ZNF146: variants seen among roughly 807,000 people sequenced by gnomAD.
ZNF146 encodes the protein zinc finger protein 146, also known as zinc finger protein OZF.
In ZNF146, 9 loss-of-function variants were observed where a neutral mutation model predicts 22.2. The ratio of observed to expected loss-of-function variants is 0.41; its 90% CI spans 0.24 to 0.71. ZNF146 has a LOEUF of 0.71. Among genes scored for constraint, ZNF146 ranks in the 30% least tolerant of loss-of-function variants. ZNF146 has a pLI of 0.34. For synonymous variants in ZNF146, 108 were observed against 119.2 expected (o/e 0.91, Z 0.61); for missense variants, 194 against 344.8 (o/e 0.56, Z 3.46).
Position 36,238,720 on chromosome 19 carries a change from T to C in ZNF146, c.*1401T>C, listed in dbSNP as rs547245191. The C allele has an allele frequency of 5.1e-4, 86 of 167,228 alleles. No homozygotes were observed. The highest frequency in any genetic ancestry group is 2.0e-3 in the African/African-American group (83 of 41,588). 10.4% of individuals were successfully genotyped at this position (167,228 alleles called of 1,614,324 possible). On this transcript the variant is annotated 3_prime_UTR_variant, in exon 4 of 4. Transcript: ENST00000443387. ...GATGAATGGATGGACTTGCTCTCTA[T>C]GTAATATGAAATTAATCTATTTTAT...
intron 3 of ZNF146, among the ~76,000 whole-genome samples, chr19:36,234,695 C>T (rs1037670848): frequency 6.6e-6 from 1 of 152,178 alleles, no homozygotes; most frequent in Non-Finnish European, 1.5e-5. Context: ...CTGCGCCCGG[C>T]CAGCCAGCAT....
chr19:36,231,081 G>A (rs1447381159), intron 3 of ZNF146, among the ~76,000 whole-genome samples: 1 of 152,102 alleles, frequency 6.6e-6, no homozygotes, highest in Non-Finnish European at 1.5e-5. Flanking sequence ...CCTCAAGAAG[G>A]ATATACGTGA....
intron 3 of ZNF146, among the ~76,000 whole-genome samples, chr19:36,233,388 G>A (rs1167310724): frequency 1.3e-5 from 2 of 152,138 alleles, no homozygotes; most frequent in South Asian, 2.1e-4. Context: ...AGCTGTGGGC[G>A]TTTCTCGTCA....
intron 2 of ZNF146, among the ~76,000 whole-genome samples, chr19:36,224,583 T>C (rs1416525122): frequency 1.3e-5 from 2 of 152,236 alleles, no homozygotes; most frequent in African/African-American, 4.8e-5. Flanking sequence ...CTTTGTGGTA[T>C]AGCTAGTCTC....
intron 1 of ZNF146, among the ~76,000 whole-genome samples, chr19:36,216,065 T>C (rs892772500): frequency 6.6e-6 from 1 of 152,196 alleles, no homozygotes; most frequent in Non-Finnish European, 1.5e-5. Flanking sequence ...GTCATTGACA[T>C]AGTTTTAAAT....
Position 36,238,294 on chromosome 19 carries a change from G to C in ZNF146, c.*975G>C, listed in dbSNP as rs1298318490. The C allele has an allele frequency of 6.0e-6, 1 of 167,004 alleles. No individual in the cohort carries two copies. Among genetic ancestry groups the C allele is most frequent in the East Asian group, 1.9e-4 (1 of 5,198 alleles). The allele number at this position is 167,004 out of a possible 1,614,324, so 10.3% of individuals were successfully genotyped here. ...CTCATAAAACTCAGTACTATCTATT[G>C]GTAATGGATGCATATATGTATGTAC... On this transcript the variant is annotated 3_prime_UTR_variant, in exon 4 of 4. Coordinates refer to ENST00000443387, the MANE Select transcript of ZNF146 (RefSeq NM_007145.3).
At chr19:36,216,731 G>T (rs1006982708) in intron 1 of ZNF146, among the ~76,000 whole-genome samples, 1 of 152,108 alleles carries the variant, frequency 6.6e-6, no homozygotes, top group South Asian at 2.1e-4. Context: ...ACTGATCCTA[G>T]ACTTACTATG....
At chr19:36,225,193 G>A (rs1977014461) in intron 2 of ZNF146, among the ~76,000 whole-genome samples, 1 of 152,144 alleles carries the variant, frequency 6.6e-6, no homozygotes, top group African/African-American at 2.4e-5. Context: ...CAGTGGGAGT[G>A]TGAGCAGAAA....
rs1568429051 is a variant in ZNF146, at chr19:36,220,328, TACCTAA to T, written c.-855+2134_-855+2139del. On this transcript the variant is annotated intron_variant, in intron 2 of 3. Transcript: ENST00000443387. ...TTCACTTTAAATGGTATAGTATTTT[TACCTAA>T]TTTCTTAGCTCCTAGTTCTTTTTTT... 3.1e-3 allele frequency among the ~76,000 whole-genome samples: 461 copies of T among 149,374 alleles called. 16 individuals carry two copies. Among genetic ancestry groups the T allele is most frequent in the Middle Eastern group, 7.1e-3 (2 of 280 alleles).
At chr19:36,232,118 G>A (rs1040856008) in intron 3 of ZNF146, among the ~76,000 whole-genome samples, 2 of 151,118 alleles carry the variant, frequency 1.3e-5, no homozygotes, top group Admixed American at 1.3e-4. Context: ...CAGGAGAATC[G>A]GTTGAACCTG....
chr19:36,220,395 T>C (rs112092196), intron 2 of ZNF146, among the ~76,000 whole-genome samples: 16,958 of 137,442 alleles, frequency 0.12, 1,871 homozygotes, highest in Non-Finnish European at 0.17. Flanking sequence ...GACGGAGTCT[T>C]GCTCTGTCGC....
intron 3 of ZNF146, among the ~76,000 whole-genome samples, chr19:36,230,152 A>C (rs1977263735): frequency 6.6e-6 from 1 of 152,240 alleles, no homozygotes; most frequent in African/African-American, 2.4e-5. Flanking sequence ...CATAGCATTT[A>C]CTTTTTAAGT....
At chr19:36,219,182 T>TG (rs1976737470) in intron 2 of ZNF146, among the ~76,000 whole-genome samples, 1 of 152,126 alleles carries the variant, frequency 6.6e-6, no homozygotes, top group African/African-American at 2.4e-5. Context: ...ATTTTTGAGA[T>TG]GGGGTCTCAC....
chr19:36,215,484 T>G (rs1390614607), intron 1 of ZNF146, among the ~76,000 whole-genome samples: 1 of 152,086 alleles, frequency 6.6e-6, no homozygotes, highest in African/African-American at 2.4e-5. Flanking sequence ...GTATAACGTT[T>G]GAGCTGCACT....
intron 3 of ZNF146, among the ~76,000 whole-genome samples, chr19:36,232,420 C>G (rs1428287062): frequency 6.6e-6 from 1 of 152,030 alleles, no homozygotes; most frequent in East Asian, 1.9e-4. Context: ...GAGGAACTTA[C>G]AAGTTCTCAG....
At chr19:36,234,158 G>T (rs8101489) in intron 3 of ZNF146, among the ~76,000 whole-genome samples, 1 of 151,884 alleles carries the variant, frequency 6.6e-6, no homozygotes. Flanking sequence ...TCCATTTAAC[G>T]CTGAGTTGAC....
At chr19:36,227,832 G>A (rs1346055851) in intron 2 of ZNF146, among the ~76,000 whole-genome samples, 1 of 152,184 alleles carries the variant, frequency 6.6e-6, no homozygotes, top group Admixed American at 6.5e-5. Context: ...TGGGATTATA[G>A]GTGTGAGCCA....
intron 2 of ZNF146, among the ~76,000 whole-genome samples, chr19:36,219,641 G>A (rs747165688): frequency 6.6e-6 from 1 of 152,070 alleles, no homozygotes; most frequent in Non-Finnish European, 1.5e-5. Flanking sequence ...TGACCAAAAT[G>A]TTATGTTTAC....
chr19:36,224,349 T>C (rs1167239431), intron 2 of ZNF146, among the ~76,000 whole-genome samples: 2 of 152,204 alleles, frequency 1.3e-5, no homozygotes, highest in African/African-American at 4.8e-5. Context: ...GCCACTGCAC[T>C]GCAGCCTGGG....
Sources: allele counts gnomAD v4.1 joint callset (sites outside exome capture counted in the v4.1 genomes callset), GRCh38; gene constraint gnomAD v4.1.1; transcripts MANE v1.5; gene names NCBI Gene and HGNC (gene_info 2026-07-23, HGNC 2026-07-21).